Variants in SLC2A9 observed in about 807,000 individuals in gnomAD.
SLC2A9 encodes the protein solute carrier family 2, facilitated glucose transporter member 9.
SLC2A9 carries 39 observed loss-of-function variants against 50.6 expected under a neutral mutation model. The observed-to-expected ratio is 0.77, with a 90% CI of 0.60 to 1.01. SLC2A9 has a LOEUF of 1.01. Among genes scored for constraint, SLC2A9 ranks in the 50% least tolerant of loss-of-function variants. The pLI is 0.00. For synonymous variants in SLC2A9, 324 were observed against 276.9 expected (o/e 1.17, Z -1.69); for missense variants, 686 against 677.6 (o/e 1.01, Z -0.14).
intron 10 of SLC2A9, among the ~76,000 whole-genome samples, chr4:9,875,646 GA>G (rs1288870223): frequency 1.3e-5 from 2 of 152,324 alleles, no homozygotes; most frequent in Admixed American, 6.5e-5. Flanking sequence ...ATAGGAAGTG[GA>G]ATTGTGGTTC....
At chr4:9,876,450 C>A (rs1256813927) in intron 10 of SLC2A9, among the ~76,000 whole-genome samples, 1 of 152,050 alleles carries the variant, frequency 6.6e-6, no homozygotes, top group Non-Finnish European at 1.5e-5. Flanking sequence ...AAAAAGTAGC[C>A]AGGTATGGTG....
intron 3 of SLC2A9, among the ~76,000 whole-genome samples, chr4:9,807,710 T>C (rs1433328258): frequency 6.6e-6 from 1 of 152,218 alleles, no homozygotes; most frequent in Non-Finnish European, 1.5e-5. Context: ...GGTTACCCCA[T>C]GTGGACCTTA....
chr4:9,796,222 A>T (rs1442492044), downstream of SLC2A9, among the ~76,000 whole-genome samples: 3 of 152,130 alleles, frequency 2.0e-5, no homozygotes, highest in East Asian at 3.9e-4. Context: ...GTCTTTTTTG[A>T]GCAGCCCTCA....
intron 2 of SLC2A9, among the ~76,000 whole-genome samples, chr4:10,000,484 G>A (rs111459781): frequency 6.6e-6 from 1 of 152,160 alleles, no homozygotes; most frequent in Non-Finnish European, 1.5e-5. Context: ...TGGCCCATCT[G>A]GTGACTCAGT....
intron 10 of SLC2A9, among the ~76,000 whole-genome samples, chr4:9,883,273 C>T (rs892272925): frequency 6.6e-6 from 1 of 152,130 alleles, no homozygotes; most frequent in African/African-American, 2.4e-5. Context: ...AAGTTATTAC[C>T]AGAGACTGGA....
At chr4:9,800,497 C>T (rs1721249608) in intron 3 of SLC2A9, among the ~76,000 whole-genome samples, 1 of 152,134 alleles carries the variant, frequency 6.6e-6, no homozygotes, top group African/African-American at 2.4e-5. Context: ...AAGCGGGGAG[C>T]TCTCAGAATG....
At chr4:9,937,598 C>T (rs980747571) in intron 6 of SLC2A9, among the ~76,000 whole-genome samples, 1 of 152,166 alleles carries the variant, frequency 6.6e-6, no homozygotes, top group Admixed American at 6.5e-5. Context: ...CCTCCCTCTG[C>T]CCAGCTCCCT....
chr4:9,875,274 A>G (rs1360229615), intron 10 of SLC2A9, among the ~76,000 whole-genome samples: 1 of 148,218 alleles, frequency 6.7e-6, no homozygotes, highest in African/African-American at 2.5e-5. Context: ...AGAAATGGCC[A>G]TAGGTTACTC....
chr4:9,956,180 T>C (rs985316465), intron 5 of SLC2A9, among the ~76,000 whole-genome samples: 2 of 151,490 alleles, frequency 1.3e-5, no homozygotes, highest in African/African-American at 4.8e-5. Flanking sequence ...AGTGAGCATC[T>C]GGATTTTTAA....
At chr4:10,025,989 CT>C (rs762780649), upstream of SLC2A9, 65 of 1,612,654 alleles carry the variant, frequency 4.0e-5, 1 homozygote, top group South Asian at 7.0e-4. Flanking sequence ...AGGTTTTGAA[CT>C]TTTGTTGTTA....
chr4:10,033,154 CTTA>C (rs1763988937), intron 1 of SLC2A9, among the ~76,000 whole-genome samples: 1 of 152,152 alleles, frequency 6.6e-6, no homozygotes, highest in African/African-American at 2.4e-5. Context: ...CTCTTAATGG[CTTA>C]TTATCACTTG....
At chr4:9,879,111 A>G in intron 10 of SLC2A9, 1 of 982,974 alleles carries the variant, frequency 1.0e-6, no homozygotes, top group Non-Finnish European at 1.2e-6. Flanking sequence ...TTGTCTTTGA[A>G]GCAGTCCCTG....
At chr4:9,875,740 A>AAAGCCAAT (rs1254575964) in intron 10 of SLC2A9, among the ~76,000 whole-genome samples, 2 of 152,188 alleles carry the variant, frequency 1.3e-5, no homozygotes, top group African/African-American at 4.8e-5. Context: ...CCCCAGTGAC[A>AAAGCCAAT]AAGCCAATGA....
chr4:9,997,780 A>C (rs141560040), intron 2 of SLC2A9, among the ~76,000 whole-genome samples: 1 of 141,298 alleles, frequency 7.1e-6, no homozygotes, highest in Non-Finnish European at 1.6e-5. Flanking sequence ...TAGCCATAAA[A>C]GAAAAAAAAA....
At chr4:10,010,586 C>A (rs6822988) in intron 2 of SLC2A9, among the ~76,000 whole-genome samples, 15,598 of 152,080 alleles carry the variant, frequency 0.1, 1,493 homozygotes, top group East Asian at 0.46. Context: ...AAGCTGTGTG[C>A]GAGGTACTTT....
chr4:9,978,498 G>A (rs1314451966), intron 5 of SLC2A9, among the ~76,000 whole-genome samples: 2 of 152,146 alleles, frequency 1.3e-5, no homozygotes, highest in Admixed American at 6.6e-5. Flanking sequence ...ACTTTTAAAT[G>A]TATTTTTGTT....
At position 10,033,392 on chromosome 4, in the gene SLC2A9, C is replaced by A. The variant is rs111953533; in HGVS notation, c.-41+6738G>T. 3.3e-3 allele frequency among the ~76,000 whole-genome samples: 508 copies of A among 152,270 alleles called. 3 individuals carry two copies. The highest frequency in any genetic ancestry group is 3.9e-3 in the Non-Finnish European group (264 of 68,026). On this transcript the variant is annotated intron_variant, in intron 1 of 12. Coordinates refer to the SLC2A9 transcript ENST00000309065. Reference sequence around the variant, plus strand: ...CAGCCGAAGCATGATTCTAGAACACCCTCTTCCCCCCGGCTCTGCTTCTGT... The same window carrying A: ...CAGCCGAAGCATGATTCTAGAACACACTCTTCCCCCCGGCTCTGCTTCTGT...
rs760170081 is a variant in SLC2A9 at position 9,782,365 on chromosome 4, C to T, written n.386-2300G>A. On this transcript the variant is annotated intron_variant and non_coding_transcript_variant, in intron 3 of 3. Transcript: ENST00000503803. ...CCGGTTACTGGCCCTTTGGAGCGTTCTGCGACGTCTGGGTGGCCTTCGACA... is the reference window on the plus strand; with the variant it reads ...CCGGTTACTGGCCCTTTGGAGCGTTTTGCGACGTCTGGGTGGCCTTCGACA... 8.1e-6 allele frequency: 13 copies of T among 1,614,064 alleles called. No individual in the cohort carries two copies. In the East Asian group the frequency reaches 2.9e-4, roughly 36 times the overall value.
At chr4:9,840,414 G>T (rs1400153981) in intron 10 of SLC2A9, among the ~76,000 whole-genome samples, 1 of 152,062 alleles carries the variant, frequency 6.6e-6, no homozygotes, top group African/African-American at 2.4e-5. Context: ...ATTTCAGGCA[G>T]GCCTTCTTTT....
Sources: gnomAD v4.1 joint callset for allele counts (sites outside exome capture counted in the v4.1 genomes callset) on GRCh38, gnomAD v4.1.1 for gene constraint, MANE v1.5 for transcripts, NCBI Gene and HGNC (gene_info 2026-07-23, HGNC 2026-07-21) for gene names.